PTPRZ1: variants seen among roughly 807,000 people sequenced by gnomAD.
The protein encoded by PTPRZ1 is protein tyrosine phosphatase receptor type Z1, also known as receptor-type tyrosine-protein phosphatase zeta.
Under a neutral mutation model 214.1 loss-of-function variants are expected in PTPRZ1, and 82 were observed. The observed-to-expected ratio is 0.38, with a 90% confidence interval of 0.32 to 0.46. The LOEUF (loss-of-function observed/expected upper bound fraction) is 0.46, where lower values mean the gene tolerates loss of function less well. Ranked by LOEUF, PTPRZ1 falls within the 20% of genes least tolerant of loss-of-function variation. The probability of loss-of-function intolerance (pLI) is 1.00; values close to 1 mark genes in which losing one functional copy is unlikely to be tolerated. For synonymous variants in PTPRZ1, 945 were observed against 987.9 expected (o/e 0.96, Z 0.81); for missense variants, 2,603 against 2,748.7 (o/e 0.95, Z 1.19).
intron 2 of PTPRZ1, among the ~76,000 whole-genome samples, chr7:121,930,852 T>C (rs1795900105): frequency 6.6e-6 from 1 of 152,190 alleles, no homozygotes; most frequent in Non-Finnish European, 1.5e-5. Flanking sequence ...ATCATGACTG[T>C]TTTTTAATGC....
At chr7:122,044,645 G>T in intron 23 of PTPRZ1, 77 bp downstream of exon 23, 3 of 1,457,042 alleles carry the variant, frequency 2.1e-6, no homozygotes, top group Non-Finnish European at 1.9e-6. Context: ...AGTTGACAGG[G>T]TCACGTTGAG....
chr7:122,036,992 G>A (rs374675254), intron 18 of PTPRZ1, among the ~76,000 whole-genome samples: 3 of 152,214 alleles, frequency 2.0e-5, no homozygotes, highest in African/African-American at 7.2e-5. Context: ...GAAGGGCAGG[G>A]CTGGGCGCGG....
intron 1 of PTPRZ1, among the ~76,000 whole-genome samples, chr7:121,877,334 T>C (rs1269247705): frequency 6.6e-6 from 1 of 152,220 alleles, no homozygotes; most frequent in East Asian, 1.9e-4. Flanking sequence ...ATCAATTTGC[T>C]GTTTGGCATT....
intron 1 of PTPRZ1, among the ~76,000 whole-genome samples, chr7:121,910,636 A>G (rs1382494686): frequency 6.6e-6 from 1 of 152,162 alleles, no homozygotes; most frequent in Admixed American, 6.6e-5. Flanking sequence ...AAGAAAGAAA[A>G]GACTAAAAAA....
intron 1 of PTPRZ1, among the ~76,000 whole-genome samples, chr7:121,918,915 C>A (rs912293137): frequency 2.0e-5 from 3 of 151,492 alleles, no homozygotes; most frequent in African/African-American, 4.8e-5. Flanking sequence ...ATATTAGGAA[C>A]CTTATATAAT....
chr7:121,996,235 GAATA>G, intron 8 of PTPRZ1, 143 bp from the exon 9 acceptor site: 1 of 563,900 alleles, frequency 1.8e-6, no homozygotes, highest in Non-Finnish European at 3.0e-6. Flanking sequence ...ATAGGAAATG[GAATA>G]AGCAAAAGCT....
chr7:122,038,891 T>C lies in PTPRZ1; in HGVS notation c.5502+2T>C. On this transcript the variant is annotated splice_donor_variant, in intron 19 of 29. Transcript: ENST00000393386. LOFTEE classifies it high-confidence loss of function. The stretch of plus-strand genomic sequence containing the variant: ...ACAAACCTCGTGGAGAAAGGAAGGG[T>C]ATGTAGATAATCTGTTATGTCACCC... 6.2e-7 allele frequency: 1 copy of C among 1,613,518 alleles called. No individual in the cohort carries two copies. Among genetic ancestry groups the C allele is most frequent in the South Asian group, 1.1e-5 (1 of 91,024 alleles).
Position 121,983,153 on chromosome 7 carries a change from C to T in PTPRZ1, c.620-512C>T, listed in dbSNP as rs143912634. 5.6e-3 allele frequency among the ~76,000 whole-genome samples: 849 copies of T among 152,238 alleles called. 6 individuals are homozygous for T. Among genetic ancestry groups the T allele is most frequent in the South Asian group, 0.014 (66 of 4,820 alleles). On this transcript the variant is annotated intron_variant, in intron 6 of 29. Coordinates refer to ENST00000393386, the MANE Select transcript of PTPRZ1 (RefSeq NM_002851.3). ...TTTTCCTATACAATCTTAAGATTTT[C>T]GTTTCTTTTTTCTTTATTGCACTGG...
intron 1 of PTPRZ1, among the ~76,000 whole-genome samples, chr7:121,905,786 C>T (rs1795098623): frequency 6.6e-6 from 1 of 151,956 alleles, no homozygotes; most frequent in Non-Finnish European, 1.5e-5. Context: ...ATGGTTGGGC[C>T]GCAAGTAAAT....
At chr7:121,943,404 C>T (rs1017100991) in intron 2 of PTPRZ1, among the ~76,000 whole-genome samples, 55 of 152,186 alleles carry the variant, frequency 3.6e-4, no homozygotes, top group Non-Finnish European at 3.4e-4. Context: ...GGCGCGATCT[C>T]GGCTCACTGC....
At chr7:122,048,984 T>C (rs1268799364) in intron 23 of PTPRZ1, among the ~76,000 whole-genome samples, 1 of 152,080 alleles carries the variant, frequency 6.6e-6, no homozygotes, top group Admixed American at 6.5e-5. Context: ...AATCCAGCAG[T>C]GTATTTCTTT....
At chr7:121,883,672 G>T (rs1794306967) in intron 1 of PTPRZ1, among the ~76,000 whole-genome samples, 1 of 152,194 alleles carries the variant, frequency 6.6e-6, no homozygotes, top group Non-Finnish European at 1.5e-5. Flanking sequence ...TGTTGCCCAG[G>T]CTGGAGTGCA....
chr7:121,897,195 T>C (rs1379252493), intron 1 of PTPRZ1, among the ~76,000 whole-genome samples: 1 of 152,210 alleles, frequency 6.6e-6, no homozygotes, highest in Non-Finnish European at 1.5e-5. Context: ...CTTAAAGTCA[T>C]AAGTGGAAGG....
intron 22 of PTPRZ1, 135 bp downstream of exon 22, chr7:122,042,878 C>A: frequency 1.1e-6 from 1 of 925,580 alleles, no homozygotes; most frequent in Non-Finnish European, 1.6e-6. Context: ...AGTTTATTGT[C>A]TCATAGTTCT....
intron 4 of PTPRZ1, among the ~76,000 whole-genome samples, chr7:121,975,479 G>C (rs1236737769): frequency 1.3e-5 from 2 of 152,144 alleles, no homozygotes; most frequent in African/African-American, 4.8e-5. Flanking sequence ...CTCGCCCAAA[G>C]CAGGAGCCAC....
At chr7:121,971,158 C>T (rs1797233007) in intron 3 of PTPRZ1, among the ~76,000 whole-genome samples, 1 of 152,068 alleles carries the variant, frequency 6.6e-6, no homozygotes, top group Non-Finnish European at 1.5e-5. Context: ...TTCCATTGGT[C>T]TCTACCTCTG....
At chr7:122,038,541 A>T (rs1799619146) in intron 18 of PTPRZ1, among the ~76,000 whole-genome samples, 1 of 141,784 alleles carries the variant, frequency 7.1e-6, no homozygotes, top group African/African-American at 2.7e-5. Flanking sequence ...TTTTACAAAA[A>T]TGATAGGGAT....
intron 1 of PTPRZ1, among the ~76,000 whole-genome samples, chr7:121,875,555 A>T (rs1794029841): frequency 6.6e-6 from 1 of 152,212 alleles, no homozygotes; most frequent in Admixed American, 6.5e-5. Context: ...AAGTGTAAAG[A>T]ATTTAATTAA....
chr7:122,007,488 T>C (rs1158492107), intron 11 of PTPRZ1, among the ~76,000 whole-genome samples: 1 of 152,146 alleles, frequency 6.6e-6, no homozygotes, highest in East Asian at 1.9e-4. Flanking sequence ...GAGACCCATG[T>C]CACAATATGT....
Sources: gnomAD v4.1 joint callset for allele counts (sites outside exome capture counted in the v4.1 genomes callset) on GRCh38, gnomAD v4.1.1 for gene constraint, MANE v1.5 for transcripts, NCBI Gene and HGNC (gene_info 2026-07-23, HGNC 2026-07-21) for gene names.